CD63: variants seen among roughly 807,000 people sequenced by gnomAD.
CD63 encodes CD63 antigen.
In CD63, 16 loss-of-function variants were observed where a neutral mutation model predicts 29.2. That is an observed-to-expected ratio of 0.55 (90% CI 0.37 to 0.83). The LOEUF is 0.83. CD63 is among the 40% of genes least tolerant of loss of function. The probability of loss-of-function intolerance (pLI) is 0.00; values close to 1 mark genes in which losing one functional copy is unlikely to be tolerated. For synonymous variants in CD63, 118 were observed against 111.7 expected (o/e 1.06, Z -0.36); for missense variants, 251 against 297.3 (o/e 0.84, Z 1.15).
rs961965491 is a variant in CD63, at chr12:55,728,705, A to T, written c.-12+248T>A. 13 of 1,062,962 alleles carry T rather than the reference A, an allele frequency of 1.2e-5. No individual in the cohort carries two copies. The African/African-American group carries it at 2.4e-4, about 19-fold the overall frequency. 65.8% of individuals were successfully genotyped at this position (1,062,962 alleles called of 1,614,324 possible). On this transcript the variant is annotated intron_variant, in intron 1 of 7. Transcript: ENST00000257857. This position sits in a 1 kb window ranked among gnomAD's most constrained non-coding sequence, Gnocchi z 4.8. ...GCCTGGAGAAACGGTCTTCAGCCCAACCCCGACCCCCGCCCCAGCCCCTTT... is the reference window on the plus strand; with the variant it reads ...GCCTGGAGAAACGGTCTTCAGCCCATCCCCGACCCCCGCCCCAGCCCCTTT...
rs766020356 is a variant in CD63, at chr12:55,725,532, C to A, written c.*29G>T. On this transcript the variant is annotated 3_prime_UTR_variant, in exon 8 of 8. Coordinates refer to ENST00000257857, the MANE Select transcript of CD63 (RefSeq NM_001780.6). ...CCTGGAGGATACTATTCCACTCCCCCAGATGAGGAGGCTGAGGAGACCAGA... is the reference window on the plus strand; with the variant it reads ...CCTGGAGGATACTATTCCACTCCCCAAGATGAGGAGGCTGAGGAGACCAGA... 2 of 1,569,628 alleles carry A rather than the reference C, an allele frequency of 1.3e-6. No individual in the cohort carries two copies. Among genetic ancestry groups the A allele is most frequent in the Non-Finnish European group, 1.8e-6 (2 of 1,139,602 alleles).
intron 6 of CD63, 109 bp from the exon 7 acceptor site, chr12:55,726,005 C>G (rs938808622): frequency 6.8e-7 from 1 of 1,476,220 alleles, no homozygotes; most frequent in Non-Finnish European, 9.4e-7. Flanking sequence ...TCACCCCACC[C>G]TTAGCATTTC....
downstream of CD63, chr12:55,724,332 G>C (rs1565655910): frequency 4.3e-6 from 7 of 1,614,072 alleles, no homozygotes; most frequent in Non-Finnish European, 5.1e-6. Flanking sequence ...ACCTGAAAAT[G>C]CAACAGCGCA....
chr12:55,726,231 C>A lies in CD63; in HGVS notation c.457G>T (p.Asp153Tyr). 1 of 1,612,890 alleles carries A rather than the reference C, an allele frequency of 6.2e-7. No individual in the cohort carries two copies. The highest frequency in any genetic ancestry group is 1.3e-5 in the African/African-American group (1 of 74,698). ...GACATGGAAGGGATTTTCTCCCAATCTGTGTAGTTAGCAGCCCCACAGCAC... is the reference window on the plus strand; with the variant it reads ...GACATGGAAGGGATTTTCTCCCAATATGTGTAGTTAGCAGCCCCACAGCAC... The part of the protein sequence containing the change: ...FKCCGAANYT[D>Y]WEKIPSMSKN... Residue 153 changes from aspartate (D) to tyrosine (Y), a missense_variant, in exon 6 of 8, where the codon GAT (aspartate) becomes TAT (tyrosine). Coordinates refer to ENST00000257857, the MANE Select transcript of CD63 (RefSeq NM_001780.6).
chr12:55,728,547 A>G lies in CD63; in HGVS notation c.-11-195T>C. 1 of 1,431,120 alleles carries G rather than the reference A, an allele frequency of 7.0e-7. No homozygotes were observed. The highest frequency in any genetic ancestry group is 1.4e-5 in the African/African-American group (1 of 69,524). The allele number at this position is 1,431,120 out of a possible 1,614,324, so 88.7% of individuals were successfully genotyped here. A position where few individuals can be genotyped will look rare whatever the true frequency, so the allele number is the denominator to read the frequency against. On this transcript the variant is annotated intron_variant, in intron 1 of 7. Coordinates refer to ENST00000257857, the MANE Select transcript of CD63 (RefSeq NM_001780.6). The surrounding 1 kb of genome is among the most constrained non-coding windows in gnomAD (Gnocchi z 4.8). Reference sequence around the variant, plus strand: ...GAGAGGGGTGGGGGCGACGGCCGCGAAGCCCGGACCCCGCCCCGCCGCCTC... The same window carrying G: ...GAGAGGGGTGGGGGCGACGGCCGCGGAGCCCGGACCCCGCCCCGCCGCCTC...
Position 55,726,902 on chromosome 12 carries a change from C to A in CD63, c.318G>T (p.Val106=). Residue 106 remains valine (V), a synonymous_variant, in exon 4 of 8, where the codon GTG becomes GTT. Coordinates refer to ENST00000257857, the MANE Select transcript of CD63 (RefSeq NM_001780.6). The part of the protein sequence containing the change: ...VEVAAAIAGY[V]FRDKVMSEFN... ...ATTCCCTGCTTACCTTATCTCTAAACACATAGCCAGCAATGGCTGCGGCCA... is the reference window on the plus strand; with the variant it reads ...ATTCCCTGCTTACCTTATCTCTAAAAACATAGCCAGCAATGGCTGCGGCCA... The A allele has an allele frequency of 6.2e-7, 1 of 1,614,140 alleles. No homozygotes were observed. The highest frequency in any genetic ancestry group is 8.5e-7 in the Non-Finnish European group (1 of 1,179,994).
chr12:55,727,567 A>G (rs1362235381), intron 2 of CD63: 1 of 1,305,430 alleles, frequency 7.7e-7, no homozygotes, highest in East Asian at 3.0e-5. Context: ...GACCAAATTC[A>G]AAAACCTCCC....
chr12:55,728,258 G>A lies in CD63; in HGVS notation c.66+18C>T, dbSNP rs1263289615. On this transcript the variant is annotated intron_variant, in intron 2 of 7. Coordinates refer to ENST00000257857, the MANE Select transcript of CD63 (RefSeq NM_001780.6). This position sits in a 1 kb window ranked among gnomAD's most constrained non-coding sequence, Gnocchi z 4.8. ...CCGCACCCTGCCGGCGCGCCCCCCA[G>A]GACCCCTCGCCACTCACGCAAAAGG... 1 of 1,603,630 alleles carries A rather than the reference G, an allele frequency of 6.2e-7. No homozygotes were observed. The highest frequency in any genetic ancestry group is 2.2e-5 in the East Asian group (1 of 44,614).
Position 55,728,582 on chromosome 12 carries a change from G to A in CD63, c.-11-230C>T. 7.2e-7 allele frequency: 1 copy of A among 1,395,380 alleles called. No individual in the cohort carries two copies. Among genetic ancestry groups the A allele is most frequent in the Non-Finnish European group, 9.3e-7 (1 of 1,076,008 alleles). The allele number at this position is 1,395,380 out of a possible 1,614,324, so 86.4% of individuals were successfully genotyped here. Reference sequence around the variant, plus strand: ...CCCGCCCCGCCGCCTCTGGGGCCCAGGACAGATCCAAGGGCGCCGGCAGGG... The same window carrying A: ...CCCGCCCCGCCGCCTCTGGGGCCCAAGACAGATCCAAGGGCGCCGGCAGGG... On this transcript the variant is annotated intron_variant, in intron 1 of 7. Transcript: ENST00000257857. This position sits in a 1 kb window ranked among gnomAD's most constrained non-coding sequence, Gnocchi z 4.8.
At position 55,728,861 on chromosome 12, in the gene CD63, T is replaced by A; in HGVS notation, c.-12+92A>T. 1.0e-6 allele frequency: 1 copy of A among 985,716 alleles called. No homozygotes were observed. The highest frequency in any genetic ancestry group is 1.2e-6 in the Non-Finnish European group (1 of 831,060). The allele number at this position is 985,716 out of a possible 1,614,324, so 61.1% of individuals were successfully genotyped here. On this transcript the variant is annotated intron_variant, in intron 1 of 7. Coordinates refer to ENST00000257857, the MANE Select transcript of CD63 (RefSeq NM_001780.6). This position sits in a 1 kb window ranked among gnomAD's most constrained non-coding sequence, Gnocchi z 4.8. ...GGGCGGCTGGAGAGCGCCGGACGAGTCTCCGCGGGCCTGGGGCGAGCCCTG... is the reference window on the plus strand; with the variant it reads ...GGGCGGCTGGAGAGCGCCGGACGAGACTCCGCGGGCCTGGGGCGAGCCCTG...
chr12:55,726,253 G>A lies in CD63; in HGVS notation c.435C>T (p.Cys145=), dbSNP rs1449373404. The A allele has an allele frequency of 1.2e-6, 2 of 1,607,964 alleles. No individual in the cohort carries two copies. Among genetic ancestry groups the A allele is most frequent in the African/African-American group, 1.3e-5 (1 of 74,282 alleles). The change falls in exon 6 of 8, where the codon TGC becomes TGT. Residue 145 remains cysteine (C), a synonymous_variant. Transcript: ENST00000257857. ...ILDRMQADFK[C]CGAANYTDWE... ...AATCTGTGTAGTTAGCAGCCCCACA[G>A]CACTTAAACTGGGGGAGGGAAGAAA...
chr12:55,724,574 T>TC, downstream of CD63: 1 of 1,596,116 alleles, frequency 6.3e-7, no homozygotes, highest in Non-Finnish European at 8.5e-7. Flanking sequence ...AGATTGTTTT[T>TC]CAAGGACAAG....
intron 4 of CD63, 25 bp downstream of exon 4, chr12:55,726,865 G>GC: frequency 6.2e-7 from 1 of 1,611,270 alleles, no homozygotes; most frequent in Non-Finnish European, 8.5e-7. Context: ...GCTGAGGCAG[G>GC]CCCTTCCCAT....
At chr12:55,727,716 T>C in intron 2 of CD63, 2 of 1,022,462 alleles carry the variant, frequency 2.0e-6, no homozygotes, top group Non-Finnish European at 2.3e-6. Flanking sequence ...GCATCAGCTG[T>C]GACTAAGGTT....
chr12:55,728,456 C>A lies in CD63; in HGVS notation c.-11-104G>T. On this transcript the variant is annotated intron_variant, in intron 1 of 7. Transcript: ENST00000257857. This position sits in a 1 kb window ranked among gnomAD's most constrained non-coding sequence, Gnocchi z 4.8. ...AGGGCTTCCCTTCACGGCCCCGATT[C>A]CCGGCCCCTCCCACCCGGAAACCCG... 1 of 1,510,870 alleles carries A rather than the reference C, an allele frequency of 6.6e-7. No individual in the cohort carries two copies. Among genetic ancestry groups the A allele is most frequent in the Non-Finnish European group, 8.9e-7 (1 of 1,129,384 alleles). 93.6% of individuals were successfully genotyped at this position (1,510,870 alleles called of 1,614,324 possible). A position where few individuals can be genotyped will look rare whatever the true frequency, so the allele number is the denominator to read the frequency against.
Position 55,726,740 on chromosome 12 carries a change from T to C in CD63, c.386A>G (p.Asn129Ser). The C allele has an allele frequency of 6.2e-7, 1 of 1,614,024 alleles. No individual in the cohort carries two copies. The highest frequency in any genetic ancestry group is 8.5e-7 in the Non-Finnish European group (1 of 1,179,958). ...FRQQMENYPKNNHTASILDRM... is the reference protein window; with the variant it reads ...FRQQMENYPKSNHTASILDRM... ...GTCCAGGATCGAAGCAGTGTGGTTG[T>C]TTTTCGGGTAATTCTCCATCTGCTG... The change falls in exon 5 of 8, where the codon AAC becomes AGC. Residue 129 changes from asparagine (N) to serine (S), a missense_variant. Physicochemically the swap from Asn to Ser is conservative, Grantham distance 46. Transcript: ENST00000257857.
In CD63 at chr12:55,726,159, A is replaced by G; in HGVS notation, c.529T>C (p.Cys177Arg). The G allele has an allele frequency of 6.2e-7, 1 of 1,613,900 alleles. No homozygotes were observed. ...GCCTTCTCGTTGAAATTAATCCCAC[A>G]GCCCACAGTAACATTAATGCAGCAG... ...DSCCINVTVG[C>R]GINFNEKAIH... Residue 177 changes from cysteine to arginine, a missense_variant, in exon 6 of 8, where the codon TGT becomes CGT. By Grantham distance (180) the Cys-to-Arg change is radical (BLOSUM62 -3). Coordinates refer to ENST00000257857, the MANE Select transcript of CD63 (RefSeq NM_001780.6).
downstream of CD63, chr12:55,724,336 C>T: frequency 1.9e-6 from 3 of 1,614,190 alleles, no homozygotes; most frequent in Non-Finnish European, 1.7e-6. Flanking sequence ...GAAAATGCAA[C>T]AGCGCATCAT....
At chr12:55,724,510 T>A, downstream of CD63, 1 of 1,613,076 alleles carries the variant, frequency 6.2e-7, no homozygotes, top group South Asian at 1.1e-5. Context: ...TGTGCTCACC[T>A]GGGTCCTTCC....
Sources: gnomAD v4.1 joint callset for allele counts on GRCh38, gnomAD v4.1.1 for gene constraint, Gnocchi (gnomAD v3.1) non-coding constraint, MANE v1.5 for transcripts, NCBI Gene and HGNC (gene_info 2026-07-23, HGNC 2026-07-21) for gene names.